TMPRSS9: variants seen among roughly 807,000 people sequenced by gnomAD.
TMPRSS9 encodes transmembrane serine protease 9.
TMPRSS9 carries 113 observed loss-of-function variants against 111.4 expected under a neutral mutation model. That is an observed-to-expected ratio of 1.01 (90% CI 0.87 to 1.19). TMPRSS9 has a LOEUF of 1.19. Ranked by LOEUF, TMPRSS9 falls within the 50% of genes most tolerant of loss-of-function variation. The probability of loss-of-function intolerance (pLI) is 0.00; values close to 1 mark genes in which losing one functional copy is unlikely to be tolerated. For synonymous variants in TMPRSS9, 805 were observed against 659.1 expected (o/e 1.22, Z -3.39); for missense variants, 1,803 against 1,513.1 (o/e 1.19, Z -3.18).
chr19:2,389,614 T>C (rs2396236), upstream of TMPRSS9, among the ~76,000 whole-genome samples: 86,949 of 151,244 alleles, frequency 0.57, 25,917 homozygotes, highest in Middle Eastern at 0.68. Flanking sequence ...ATCGTCCTCC[T>C]GCCTCAGCCT....
intron 1 of TMPRSS9, among the ~76,000 whole-genome samples, chr19:2,375,071 A>G (rs143715083): frequency 1.1e-4 from 16 of 152,056 alleles, no homozygotes; most frequent in East Asian, 3.9e-4. Context: ...CTCCAACTCT[A>G]TCCCCTTTTG....
At chr19:2,394,593 G>A (rs534375060) in intron 1 of TMPRSS9, among the ~76,000 whole-genome samples, 11 of 15,846 alleles carry the variant, frequency 6.9e-4, no homozygotes, top group Non-Finnish European at 1.0e-3. Context: ...CAGGGTGCTC[G>A]TGTTTCTTTA....
chr19:2,423,289 C>T (rs937720000), intron 14 of TMPRSS9, among the ~76,000 whole-genome samples: 5 of 151,814 alleles, frequency 3.3e-5, no homozygotes, highest in African/African-American at 1.2e-4. Context: ...AAAATACAGG[C>T]GGGTTCTGTG....
chr19:2,419,277 C>T (rs1375516834), intron 13 of TMPRSS9, among the ~76,000 whole-genome samples: 8 of 150,074 alleles, frequency 5.3e-5, no homozygotes, highest in Non-Finnish European at 1.2e-4. Context: ...GATCTTGGCT[C>T]ACTGCAACCT....
intron 9 of TMPRSS9, among the ~76,000 whole-genome samples, chr19:2,410,959 C>A (rs954918882): frequency 6.6e-6 from 1 of 152,056 alleles, no homozygotes; most frequent in African/African-American, 2.4e-5. Context: ...TGGACTTTTG[C>A]CCCTGGGTGG....
intron 1 of TMPRSS9, among the ~76,000 whole-genome samples, chr19:2,373,673 T>C (rs113697602): frequency 5.2e-3 from 543 of 105,104 alleles, no homozygotes; most frequent in African/African-American, 0.031. Flanking sequence ...CTAATATTCG[T>C]ATTTTTAGTA....
At chr19:2,394,864 G>T (rs2145298400) in intron 1 of TMPRSS9, among the ~76,000 whole-genome samples, 1 of 152,238 alleles carries the variant, frequency 6.6e-6, no homozygotes, top group Non-Finnish European at 1.5e-5. Context: ...GGTTTCTGTG[G>T]TTGCTCTCGT....
In TMPRSS9 at chr19:2,389,816, G is replaced by A. The variant is rs185668001; in HGVS notation, c.31G>A (p.Val11Met). 42 of 1,613,672 alleles carry A rather than the reference G, an allele frequency of 2.6e-5. No homozygotes were observed. The highest frequency in any genetic ancestry group is 3.3e-5 in the South Asian group (3 of 91,068). The change falls in exon 1 of 18, where the codon GTG becomes ATG. Residue 11 changes from valine (V) to methionine (M), a missense_variant. Transcript: ENST00000648592. ...GCCCACTGTGGCTGACGTACACCTC[G>A]TGCCCAGGACAACCAAGGAAGTCCC...
chr19:2,408,206 C>T, intron 7 of TMPRSS9, 150 bp from the exon 9 acceptor site: 1 of 789,896 alleles, frequency 1.3e-6, no homozygotes, highest in East Asian at 2.7e-5. Flanking sequence ...GCATGAGCCA[C>T]TGTGTCTGGC....
chr19:2,367,130 A>G (rs1021098834), intron 1 of TMPRSS9, among the ~76,000 whole-genome samples: 2 of 152,198 alleles, frequency 1.3e-5, no homozygotes, highest in Non-Finnish European at 2.9e-5. Flanking sequence ...TGCTTCTGGT[A>G]TATTCTATTC....
Position 2,403,324 on chromosome 19 carries a change from GAGAAA to G in TMPRSS9, c.670+135_670+139del, listed in dbSNP as rs371015592. The G allele has an allele frequency of 4.7e-5, 36 of 767,116 alleles. 1 individual carries two copies. Among genetic ancestry groups the G allele is most frequent in the South Asian group, 2.6e-4 (16 of 62,350 alleles). 47.5% of individuals were successfully genotyped at this position (767,116 alleles called of 1,614,324 possible). The stretch of plus-strand genomic sequence containing the variant: ...GCCTGGCATTTATGGGGGCTGGGCA[GAGAAA>G]AGAAAGGGGCACCCATGGTATGGGG... On this transcript the variant is annotated intron_variant, in intron 6 of 17. Transcript: ENST00000648592.
At chr19:2,424,241 G>A (rs778208650) in exon 15 of TMPRSS9, 2 of 1,401,186 alleles carry the variant, frequency 1.4e-6, no homozygotes, top group South Asian at 1.7e-5. Flanking sequence ...GCTGTCGGCG[G>A]CGCACTGCTT....
At chr19:2,361,709 G>A (rs920966761) in intron 1 of TMPRSS9, among the ~76,000 whole-genome samples, 2 of 152,186 alleles carry the variant, frequency 1.3e-5, no homozygotes, top group African/African-American at 2.4e-5. Flanking sequence ...AGGGACCTTC[G>A]ACTTCCTTCC....
rs201661905 is a variant in TMPRSS9, at chr19:2,415,785, C to A, written c.1689C>A (p.Cys563Ter). The A allele has an allele frequency of 1.2e-4, 195 of 1,608,558 alleles. No homozygotes were observed. The highest frequency in any genetic ancestry group is 1.6e-4 in the Non-Finnish European group (192 of 1,177,456). ...TGAAGGAAGGGTCCCGGCACTTCTG[C>A]GGAGCAACTGTGGTGGGGGACCGCT... Residue 563 changes from cysteine (C) to a stop codon, truncating the protein, a stop_gained, in exon 11 of 18, where the codon TGC (cysteine) becomes TGA (stop). Transcript: ENST00000648592. LOFTEE classifies it high-confidence loss of function.
At chr19:2,386,588 T>G (rs1438124928), upstream of TMPRSS9, among the ~76,000 whole-genome samples, 1 of 152,060 alleles carries the variant, frequency 6.6e-6, no homozygotes, top group Non-Finnish European at 1.5e-5. Context: ...TTAGTGTCCA[T>G]AAAGTGTGAC....
At chr19:2,389,763 C>T (rs760736736) in exon 1 of TMPRSS9, 34 of 1,601,846 alleles carry the variant, frequency 2.1e-5, no homozygotes, top group South Asian at 1.3e-4. Context: ...GCATCCAGCT[C>T]GCTGTCTGCG....
chr19:2,401,448 G>T (rs1970845896), intron 4 of TMPRSS9, among the ~76,000 whole-genome samples: 1 of 152,132 alleles, frequency 6.6e-6, no homozygotes, highest in African/African-American at 2.4e-5. Context: ...GAGCCCTGGG[G>T]CTGGTGAGTG....
At chr19:2,398,121 C>CCAT (rs1386673142) in intron 2 of TMPRSS9, among the ~76,000 whole-genome samples, 2 of 149,226 alleles carry the variant, frequency 1.3e-5, no homozygotes, top group Admixed American at 6.7e-5. Flanking sequence ...TAGTGAAACC[C>CCAT]TGTCCCTACT....
Position 2,426,015 on chromosome 19 carries a change from G to C in TMPRSS9, c.3209G>C (p.Arg1070Pro). The change falls in exon 18 of 18, where the codon CGG becomes CCG. Residue 1070 changes from arginine to proline, a missense_variant. Coordinates refer to ENST00000648592, the Ensembl canonical transcript of TMPRSS9. ...ACTAGCTGGGGCTATGGCTGTGGCCGGCCCCACTTCCCAGGTGTCTATACC... is the reference window on the plus strand; with the variant it reads ...ACTAGCTGGGGCTATGGCTGTGGCCCGCCCCACTTCCCAGGTGTCTATACC... 3 of 1,607,740 alleles carry C rather than the reference G, an allele frequency of 1.9e-6. No homozygotes were observed. Among genetic ancestry groups the C allele is most frequent in the East Asian group, 2.2e-5 (1 of 44,506 alleles).
Sources: allele counts gnomAD v4.1 joint callset (sites outside exome capture counted in the v4.1 genomes callset), GRCh38; gene constraint gnomAD v4.1.1; transcripts MANE v1.5; gene names NCBI Gene and HGNC (gene_info 2026-07-23, HGNC 2026-07-21).